Variants in TBC1D22B observed in about 807,000 individuals in gnomAD.
TBC1D22B encodes the protein TBC1 domain family member 22B.
A neutral mutation model predicts 69.1 loss-of-function variants in TBC1D22B; 32 were observed. The ratio of observed to expected loss-of-function variants is 0.46; its 90% CI spans 0.35 to 0.62. The LOEUF (loss-of-function observed/expected upper bound fraction) is 0.62. TBC1D22B is among the 20% of genes least tolerant of loss of function. The pLI is 0.00. For missense variants in TBC1D22B, 462 were observed against 630.9 expected (o/e 0.73, Z 2.87); for synonymous variants, 206 against 229.8 (o/e 0.90, Z 0.94).
intron 12 of TBC1D22B, among the ~76,000 whole-genome samples, chr6:37,327,273 T>C (rs1768440556): frequency 1.0e-5 from 1 of 98,466 alleles, no homozygotes; most frequent in Non-Finnish European, 1.9e-5. Context: ...GGTCAGGAGA[T>C]CGAGACCATC....
intron 12 of TBC1D22B, 147 bp downstream of exon 12, chr6:37,317,353 T>C: frequency 1.3e-6 from 1 of 762,670 alleles, no homozygotes; most frequent in Non-Finnish European, 2.1e-6. Flanking sequence ...GGGTCGTCCC[T>C]CTTAGTTGGC....
At chr6:37,274,738 GA>G (rs1241947897) in intron 2 of TBC1D22B, among the ~76,000 whole-genome samples, 1 of 152,202 alleles carries the variant, frequency 6.6e-6, no homozygotes, top group Non-Finnish European at 1.5e-5. Context: ...TTGTGACTTT[GA>G]TAGAGTTGTG....
intron 8 of TBC1D22B, among the ~76,000 whole-genome samples, chr6:37,291,621 T>A (rs896942292): frequency 1.2e-4 from 19 of 152,316 alleles, no homozygotes; most frequent in Non-Finnish European, 2.8e-4. Context: ...ATGGTTTATT[T>A]GAGATTATTT....
intron 12 of TBC1D22B, among the ~76,000 whole-genome samples, chr6:37,317,605 A>G (rs1003013671): frequency 9.9e-5 from 15 of 152,242 alleles, no homozygotes; most frequent in Non-Finnish European, 2.2e-4. Flanking sequence ...ACAGTAAATA[A>G]CATCATAGTA....
At chr6:37,281,848 A>G (rs1020003981) in intron 3 of TBC1D22B, among the ~76,000 whole-genome samples, 3 of 152,246 alleles carry the variant, frequency 2.0e-5, no homozygotes, top group African/African-American at 7.2e-5. Context: ...AGAGTCACCA[A>G]AAAAGTTCTC....
intron 8 of TBC1D22B, among the ~76,000 whole-genome samples, chr6:37,292,273 G>A (rs918243124): frequency 6.6e-6 from 1 of 152,104 alleles, no homozygotes; most frequent in Non-Finnish European, 1.5e-5. Flanking sequence ...CATTTGGAGG[G>A]GTTAGAGGGT....
intron 8 of TBC1D22B, among the ~76,000 whole-genome samples, chr6:37,294,907 G>A (rs1767309776): frequency 6.6e-6 from 1 of 152,092 alleles, no homozygotes; most frequent in African/African-American, 2.4e-5. Context: ...CAACTTATGA[G>A]TCTTATTATT....
In TBC1D22B at chr6:37,284,465, G is replaced by A; in HGVS notation, c.801+1G>A. Reference sequence around the variant, plus strand: ...ACATCACCAGGATACCTACAGACAGGTACAGTCACCACCTGCTGCCTCTTT... The same window carrying A: ...ACATCACCAGGATACCTACAGACAGATACAGTCACCACCTGCTGCCTCTTT... On this transcript the variant is annotated splice_donor_variant, in intron 6 of 12. Coordinates refer to ENST00000373491, the MANE Select transcript of TBC1D22B (RefSeq NM_017772.4). LOFTEE classifies it high-confidence loss of function. 6.4e-7 allele frequency: 1 copy of A among 1,572,136 alleles called. No individual in the cohort carries two copies. The highest frequency in any genetic ancestry group is 8.6e-7 in the Non-Finnish European group (1 of 1,161,886).
chr6:37,270,142 A>G (rs747437633), intron 2 of TBC1D22B, among the ~76,000 whole-genome samples: 53 of 152,284 alleles, frequency 3.5e-4, no homozygotes, highest in Admixed American at 6.5e-4. Context: ...ACCCAGGCAT[A>G]TGTACAGTAG....
At chr6:37,326,100 G>A (rs1768394783) in intron 12 of TBC1D22B, among the ~76,000 whole-genome samples, 3 of 152,120 alleles carry the variant, frequency 2.0e-5, no homozygotes, top group Non-Finnish European at 4.4e-5. Flanking sequence ...GAGTATTCTC[G>A]GCTGGGCGCG....
intron 2 of TBC1D22B, among the ~76,000 whole-genome samples, chr6:37,276,451 C>A (rs1353523193): frequency 6.6e-6 from 1 of 152,118 alleles, no homozygotes; most frequent in Non-Finnish European, 1.5e-5. Flanking sequence ...TTTCTAGCAG[C>A]CTCAAAATGG....
intron 1 of TBC1D22B, among the ~76,000 whole-genome samples, chr6:37,265,675 A>G (rs541512345): frequency 3.8e-4 from 58 of 152,070 alleles, no homozygotes; most frequent in Non-Finnish European, 7.4e-4. Flanking sequence ...TTGTTTTCAA[A>G]GTTTGTATTT....
intron 7 of TBC1D22B, among the ~76,000 whole-genome samples, chr6:37,290,866 G>A (rs547406042): frequency 1.3e-5 from 2 of 152,200 alleles, no homozygotes; most frequent in East Asian, 3.9e-4. Flanking sequence ...TCAGAACTGG[G>A]ATGTCCTGAT....
At chr6:37,283,425 C>T (rs193270532) in intron 5 of TBC1D22B, among the ~76,000 whole-genome samples, 1 of 152,332 alleles carries the variant, frequency 6.6e-6, no homozygotes, top group East Asian at 1.9e-4. Context: ...GTTTCCTGAG[C>T]CTGTAAAATT....
chr6:37,290,684 T>C (rs1387117947), intron 7 of TBC1D22B, among the ~76,000 whole-genome samples: 1 of 152,194 alleles, frequency 6.6e-6, no homozygotes, highest in Non-Finnish European at 1.5e-5. Context: ...TATCCTGATA[T>C]GTGAACTGAC....
chr6:37,312,834 A>G, intron 8 of TBC1D22B, 84 bp from the exon 9 acceptor site: 1 of 1,126,052 alleles, frequency 8.9e-7, no homozygotes, highest in Non-Finnish European at 1.3e-6. Context: ...GGCCTTAAAG[A>G]CCCCATTGAA....
At chr6:37,283,539 C>T (rs1323482127) in intron 5 of TBC1D22B, among the ~76,000 whole-genome samples, 1 of 152,232 alleles carries the variant, frequency 6.6e-6, no homozygotes, top group East Asian at 1.9e-4. Context: ...AGTCCCCACT[C>T]TCCAGGCACT....
chr6:37,283,013 G>C (rs562784966), intron 5 of TBC1D22B, 61 bp downstream of exon 5: 1 of 1,474,392 alleles, frequency 6.8e-7, no homozygotes, highest in Non-Finnish European at 9.5e-7. Flanking sequence ...TGCCTGATGA[G>C]GTTAGTCTGG....
At chr6:37,273,220 A>C (rs1677952867) in intron 2 of TBC1D22B, among the ~76,000 whole-genome samples, 1 of 151,486 alleles carries the variant, frequency 6.6e-6, no homozygotes, top group Non-Finnish European at 1.5e-5. Context: ...AATAGCAAAG[A>C]CAACAGCCTA....
Sources: gnomAD v4.1 joint callset for allele counts (sites outside exome capture counted in the v4.1 genomes callset) on GRCh38, gnomAD v4.1.1 for gene constraint, MANE v1.5 for transcripts, NCBI Gene and HGNC (gene_info 2026-07-23, HGNC 2026-07-21) for gene names.